ARHGAP17: variants seen among roughly 807,000 people sequenced by gnomAD.
The protein encoded by ARHGAP17 is Rho GTPase activating protein 17, also known as rho GTPase-activating protein 17.
ARHGAP17 carries 57 observed loss-of-function variants against 99.5 expected under a neutral mutation model. That is an observed-to-expected ratio of 0.57 (90% CI 0.46 to 0.71). The LOEUF (loss-of-function observed/expected upper bound fraction) is 0.71. ARHGAP17 is among the 30% of genes least tolerant of loss of function. The pLI, the probability that ARHGAP17 is intolerant of heterozygous loss-of-function variation, is 0.00. For missense variants in ARHGAP17, 1,000 were observed against 1,122.4 expected, an observed-to-expected ratio of 0.89 and a Z score of 1.56; for synonymous variants, 417 against 429.6, an observed-to-expected ratio of 0.97 and a Z score of 0.36.
rs749535166 is a variant in ARHGAP17 at position 24,949,497 on chromosome 16, A to G, written c.1047-13T>C. The G allele has an allele frequency of 4.4e-6, 7 of 1,608,272 alleles. No individual in the cohort carries two copies. The South Asian group carries it at 6.7e-5, about 15-fold the overall frequency. On this transcript the variant is annotated splice_polypyrimidine_tract_variant and intron_variant, in intron 12 of 19. Transcript: ENST00000289968. ...TTGATCCTGCACACTGAGAACAAAAACTTTTAAGTACAACAACTTATTAAG... is the reference window on the plus strand; with the variant it reads ...TTGATCCTGCACACTGAGAACAAAAGCTTTTAAGTACAACAACTTATTAAG...
intron 3 of ARHGAP17, among the ~76,000 whole-genome samples, chr16:24,974,789 T>C (rs1008988505): frequency 6.6e-6 from 1 of 152,142 alleles, no homozygotes; most frequent in African/African-American, 2.4e-5. Flanking sequence ...ATGAGCAATT[T>C]AAAATATTCA....
At position 24,931,029 on chromosome 16, in the gene ARHGAP17, G is replaced by A; in HGVS notation, c.2270C>T (p.Thr757Ile). 1 of 1,611,750 alleles carries A rather than the reference G, an allele frequency of 6.2e-7. No homozygotes were observed. Among genetic ancestry groups the A allele is most frequent in the Non-Finnish European group, 8.5e-7 (1 of 1,178,830 alleles). ...LEQPSHTPPQTPTPPSTPPLG... is the reference protein window; with the variant it reads ...LEQPSHTPPQIPTPPSTPPLG... Reference sequence around the variant, plus strand: ...GGGCGGAGTACTGGGGGGCGTTGGAGTCTGGGGAGGGGTGTGAGATGGCTG... The same window carrying A: ...GGGCGGAGTACTGGGGGGCGTTGGAATCTGGGGAGGGGTGTGAGATGGCTG... Residue 757 changes from threonine (T) to isoleucine (I), a missense_variant, in exon 19 of 20, where the codon ACT becomes ATT. Transcript: ENST00000289968.
At chr16:24,928,680 G>A (rs1407907534) in intron 19 of ARHGAP17, among the ~76,000 whole-genome samples, 1 of 152,162 alleles carries the variant, frequency 6.6e-6, no homozygotes, top group Non-Finnish European at 1.5e-5. Context: ...TAAGCTGTGA[G>A]CACTCTGGCT....
At chr16:24,933,100 G>C (rs958421662) in intron 18 of ARHGAP17, among the ~76,000 whole-genome samples, 1 of 152,026 alleles carries the variant, frequency 6.6e-6, no homozygotes, top group African/African-American at 2.4e-5. Flanking sequence ...GCTAGTAAGG[G>C]GCAGAACTGA....
chr16:24,956,928 G>A (rs1311483297), intron 9 of ARHGAP17: 1 of 152,140 alleles, frequency 6.6e-6, no homozygotes, highest in East Asian at 1.9e-4. Context: ...GGTTGGAGGG[G>A]GTCTCATGAG....
chr16:24,988,182 G>A (rs1403159412), intron 1 of ARHGAP17, among the ~76,000 whole-genome samples: 7 of 148,042 alleles, frequency 4.7e-5, no homozygotes, highest in Admixed American at 2.0e-4. Flanking sequence ...ATTAGCTGTC[G>A]TCTTAGATTT....
At chr16:25,008,904 TGTAAACTACATAATAA>T (rs2053573781) in intron 1 of ARHGAP17, among the ~76,000 whole-genome samples, 1 of 152,218 alleles carries the variant, frequency 6.6e-6, no homozygotes, top group Non-Finnish European at 1.5e-5. Context: ...TTTCTTAACA[TGTAAACTACATAATAA>T]GGCCATAAAA....
At chr16:24,931,483 C>T (rs2050990927) in intron 18 of ARHGAP17, 79 bp from the exon 19 acceptor site, 1 of 1,388,620 alleles carries the variant, frequency 7.2e-7, no homozygotes, top group Non-Finnish European at 9.5e-7. Flanking sequence ...CCAAATTTAA[C>T]ATCACCAGTA....
chr16:24,945,083 C>T (rs2051429748), intron 14 of ARHGAP17, among the ~76,000 whole-genome samples: 1 of 151,848 alleles, frequency 6.6e-6, no homozygotes, highest in African/African-American at 2.4e-5. Context: ...CCTGTAATCC[C>T]AGCACTTTGG....
At chr16:24,961,704 TC>T (rs894242656) in intron 7 of ARHGAP17, among the ~76,000 whole-genome samples, 1 of 150,696 alleles carries the variant, frequency 6.6e-6, no homozygotes, top group African/African-American at 2.4e-5. Context: ...CTAATATTTT[TC>T]TGTTTTTTAG....
intron 1 of ARHGAP17, among the ~76,000 whole-genome samples, chr16:24,994,929 A>G (rs1474815058): frequency 6.6e-6 from 1 of 152,204 alleles, no homozygotes; most frequent in African/African-American, 2.4e-5. Context: ...TGTAATTTAC[A>G]AAGGAAAGAG....
At chr16:24,950,782 A>G (rs1397374473) in intron 12 of ARHGAP17, among the ~76,000 whole-genome samples, 4 of 140,308 alleles carry the variant, frequency 2.9e-5, no homozygotes, top group Non-Finnish European at 6.0e-5. Flanking sequence ...GGTTGCAGTG[A>G]CCCTAGACTG....
At chr16:24,949,207 T>C (rs1297625514) in intron 13 of ARHGAP17, 197 bp downstream of exon 13, 1 of 480,610 alleles carries the variant, frequency 2.1e-6, no homozygotes, top group African/African-American at 2.0e-5. Context: ...TCAGGCATGA[T>C]ACTGATGCTT....
At chr16:24,959,537 T>C (rs1743662597) in intron 9 of ARHGAP17, 134 bp downstream of exon 9, 1 of 788,394 alleles carries the variant, frequency 1.3e-6, no homozygotes, top group Non-Finnish European at 2.0e-6. Flanking sequence ...GAAATTATGC[T>C]GGGAAACAGT....
chr16:24,945,971 T>C (rs1396028106), intron 14 of ARHGAP17, among the ~76,000 whole-genome samples: 1 of 152,226 alleles, frequency 6.6e-6, no homozygotes, highest in Admixed American at 6.5e-5. Flanking sequence ...TAAATGTCAA[T>C]GATTCAACCT....
chr16:25,008,299 T>C (rs554116361), intron 1 of ARHGAP17, among the ~76,000 whole-genome samples: 2 of 152,352 alleles, frequency 1.3e-5, no homozygotes, highest in African/African-American at 4.8e-5. Context: ...TATGTATATA[T>C]ATTTTGCTAT....
chr16:24,995,061 G>A (rs2053154769), intron 1 of ARHGAP17, among the ~76,000 whole-genome samples: 1 of 152,090 alleles, frequency 6.6e-6, no homozygotes, highest in African/African-American at 2.4e-5. Flanking sequence ...CGAGCAAAAG[G>A]GGGAAAAGTC....
At chr16:24,966,743 C>T (rs544013681) in intron 6 of ARHGAP17, among the ~76,000 whole-genome samples, 37 of 152,228 alleles carry the variant, frequency 2.4e-4, no homozygotes, top group East Asian at 1.7e-3. Context: ...ATGATCACAC[C>T]GCTGCACTCC....
At chr16:24,950,627 G>C (rs1347241212) in intron 12 of ARHGAP17, among the ~76,000 whole-genome samples, 4 of 152,066 alleles carry the variant, frequency 2.6e-5, no homozygotes, top group Non-Finnish European at 5.9e-5. Context: ...CTGAGGTCAG[G>C]AGTTTGAGAC....
Sources: gnomAD v4.1 joint callset for allele counts (sites outside exome capture counted in the v4.1 genomes callset) on GRCh38, gnomAD v4.1.1 for gene constraint, MANE v1.5 for transcripts, NCBI Gene and HGNC (gene_info 2026-07-23, HGNC 2026-07-21) for gene names.